Variants in ATP8A2 observed in about 807,000 individuals in gnomAD.
ATP8A2 encodes the protein ATPase phospholipid transporting 8A2.
ATP8A2 carries 100 observed loss-of-function variants against 165.6 expected under a neutral mutation model. The ratio of observed to expected loss-of-function variants is 0.60; its 90% confidence interval spans 0.51 to 0.71. ATP8A2 has a LOEUF of 0.71. Ranked by LOEUF, ATP8A2 falls within the 30% of genes least tolerant of loss-of-function variation. The probability of loss-of-function intolerance (pLI) is 0.00; values close to 1 mark genes in which losing one functional copy is unlikely to be tolerated. For missense variants in ATP8A2, 1,227 were observed against 1,479.5 expected (o/e 0.83, Z 2.80); for synonymous variants, 543 against 548.8 (o/e 0.99, Z 0.15).
At chr13:26,000,083 T>C (rs1398932507) in intron 35 of ATP8A2, among the ~76,000 whole-genome samples, 1 of 152,178 alleles carries the variant, frequency 6.6e-6, no homozygotes, top group African/African-American at 2.4e-5. Flanking sequence ...ATTGTGGCTA[T>C]GAAATATCAT....
intron 30 of ATP8A2, among the ~76,000 whole-genome samples, chr13:25,858,747 C>T (rs1207520231): frequency 3.3e-5 from 5 of 152,112 alleles, no homozygotes; most frequent in African/African-American, 9.7e-5. Flanking sequence ...ACCCAGCCTG[C>T]GGGCCACAGA....
intron 35 of ATP8A2, among the ~76,000 whole-genome samples, chr13:26,011,539 C>T (rs1186147901): frequency 1.3e-5 from 2 of 152,192 alleles, no homozygotes; most frequent in East Asian, 1.9e-4. Flanking sequence ...CTCTAGGTCA[C>T]TGGCAAACTC....
rs149612106 is a variant in ATP8A2 at position 25,784,253 on chromosome 13, A to G, written c.2679+9294A>G. On this transcript the variant is annotated intron_variant, in intron 27 of 36. Transcript: ENST00000381655. ...TGGAATAAAAAAAAAATGCAAGTCCAGAAACAGAGCCCATGCAAAGAACTT... is the reference window on the plus strand; with the variant it reads ...TGGAATAAAAAAAAAATGCAAGTCCGGAAACAGAGCCCATGCAAAGAACTT... 4.7e-3 allele frequency among the ~76,000 whole-genome samples: 713 copies of G among 152,292 alleles called. 8 individuals are homozygous for G. Among genetic ancestry groups the G allele is most frequent in the African/African-American group, 0.016 (682 of 41,550 alleles).
intron 27 of ATP8A2, among the ~76,000 whole-genome samples, chr13:25,823,826 T>C (rs1318583750): frequency 3.3e-5 from 5 of 152,224 alleles, no homozygotes. Context: ...CTGTTATATC[T>C]TTGAACATTT....
chr13:25,889,274 A>ATATATATATATATATATAT (rs1491127289), intron 33 of ATP8A2, among the ~76,000 whole-genome samples: 14 of 143,766 alleles, frequency 9.7e-5, no homozygotes, highest in South Asian at 2.1e-4. Context: ...ATATATATAT[A>ATATATATATATATATATAT]AAATTTAAAT....
Position 25,529,994 on chromosome 13 carries a change from TAC to T in ATP8A2, c.222-3_222-2del. 6.3e-7 allele frequency: 1 copy of T among 1,583,782 alleles called. No individual in the cohort carries two copies. The highest frequency in any genetic ancestry group is 8.7e-7 in the Non-Finnish European group (1 of 1,154,894). ...TGATAGTATTATTTTTCTTTGCACT[TAC>T]AGTACGGCCAAGTACAGCGTGTTGA... On this transcript the variant is annotated splice_polypyrimidine_tract_variant and splice_region_variant and intron_variant, in intron 2 of 36. Coordinates refer to ENST00000381655, the MANE Select transcript of ATP8A2 (RefSeq NM_016529.6).
chr13:25,383,246 A>G (rs1025449532), intron 1 of ATP8A2, among the ~76,000 whole-genome samples: 3 of 151,676 alleles, frequency 2.0e-5, no homozygotes, highest in African/African-American at 7.2e-5. Context: ...GGGTTTCACC[A>G]TGTTGGCCAG....
chr13:25,976,081 T>A (rs551356091), intron 35 of ATP8A2, among the ~76,000 whole-genome samples: 1 of 152,256 alleles, frequency 6.6e-6, no homozygotes, highest in South Asian at 2.1e-4. Context: ...GAACTTTCTC[T>A]TGTTTTTTTG....
intron 24 of ATP8A2, among the ~76,000 whole-genome samples, chr13:25,594,517 A>G (rs553887431): frequency 6.6e-6 from 1 of 152,046 alleles, no homozygotes; most frequent in Admixed American, 6.5e-5. Flanking sequence ...ATTTTGGTGC[A>G]CCCATCACCC....
chr13:25,952,281 A>G (rs1040035604), intron 33 of ATP8A2, among the ~76,000 whole-genome samples: 6 of 152,166 alleles, frequency 3.9e-5, no homozygotes, highest in Non-Finnish European at 7.3e-5. Context: ...ATTTCGGGAA[A>G]TGAAGAACTA....
chr13:25,753,080 C>A (rs962097319), intron 25 of ATP8A2, among the ~76,000 whole-genome samples: 12 of 152,280 alleles, frequency 7.9e-5, no homozygotes, highest in Middle Eastern at 3.4e-3. Context: ...GCAAGCTGGG[C>A]CCTTAAGCTC....
chr13:25,966,029 G>GAAAAAAAAAA (rs61635155), intron 34 of ATP8A2, among the ~76,000 whole-genome samples: 31 of 133,542 alleles, frequency 2.3e-4, no homozygotes, highest in East Asian at 8.6e-4. Context: ...AAGAGTTTCA[G>GAAAAAAAAAA]AAAAAAAAAA....
intron 33 of ATP8A2, among the ~76,000 whole-genome samples, chr13:25,890,117 G>A (rs1287980687): frequency 6.6e-6 from 1 of 151,972 alleles, no homozygotes; most frequent in East Asian, 1.9e-4. Context: ...AGCCGAGATC[G>A]CTCCACTGCC....
At chr13:25,486,714 C>T (rs2036364876) in intron 2 of ATP8A2, among the ~76,000 whole-genome samples, 1 of 152,214 alleles carries the variant, frequency 6.6e-6, no homozygotes, top group Non-Finnish European at 1.5e-5. Context: ...CCTGTAATCC[C>T]AGCACTTTGG....
chr13:25,448,539 G>T (rs112739111), intron 1 of ATP8A2, among the ~76,000 whole-genome samples: 2,106 of 152,260 alleles, frequency 0.014, 15 homozygotes, highest in Non-Finnish European at 0.02. Context: ...AACATGTTTT[G>T]TCTACGGTCT....
At chr13:25,643,689 T>G (rs906440432) in intron 24 of ATP8A2, among the ~76,000 whole-genome samples, 1 of 152,078 alleles carries the variant, frequency 6.6e-6, no homozygotes, top group Non-Finnish European at 1.5e-5. Flanking sequence ...AGTTAGGTAG[T>G]GTGATACCTC....
chr13:25,626,589 A>G (rs1330882398), intron 24 of ATP8A2, among the ~76,000 whole-genome samples: 1 of 152,154 alleles, frequency 6.6e-6, no homozygotes, highest in East Asian at 1.9e-4. Flanking sequence ...TCAGAGCTCA[A>G]CTGTGGGAAG....
chr13:25,758,403 C>T (rs1446206732), intron 25 of ATP8A2, among the ~76,000 whole-genome samples: 1 of 152,206 alleles, frequency 6.6e-6, no homozygotes, highest in Non-Finnish European at 1.5e-5. Flanking sequence ...CACCAAGTAG[C>T]TTGTAGCCTA....
intron 24 of ATP8A2, among the ~76,000 whole-genome samples, chr13:25,631,531 T>A (rs2137515831): frequency 6.6e-6 from 1 of 152,320 alleles, no homozygotes; most frequent in East Asian, 1.9e-4. Context: ...AAGTGCTGGA[T>A]AATGATTATA....
Sources: allele counts gnomAD v4.1 joint callset (sites outside exome capture counted in the v4.1 genomes callset), GRCh38; gene constraint gnomAD v4.1.1; transcripts MANE v1.5; gene names NCBI Gene and HGNC (gene_info 2026-07-23, HGNC 2026-07-21).